Variants in AREL1 observed in about 807,000 individuals in gnomAD.
The protein encoded by AREL1 is apoptosis resistant E3 ubiquitin protein ligase 1.
A neutral mutation model predicts 99.0 loss-of-function variants in AREL1; 62 were observed. That is an observed-to-expected ratio of 0.63 (90% CI 0.51 to 0.77). The LOEUF (loss-of-function observed/expected upper bound fraction) is 0.77. AREL1 is among the 30% of genes least tolerant of loss of function. The pLI, the probability that AREL1 is intolerant of heterozygous loss-of-function variation, is 0.00. For missense variants in AREL1, 879 were observed against 1,027.6 expected, an observed-to-expected ratio of 0.86 and a Z score of 1.98; for synonymous variants, 380 against 376.5, an observed-to-expected ratio of 1.01 and a Z score of -0.11.
chr14:74,680,134 A>G (rs1452176211), intron 5 of AREL1, among the ~76,000 whole-genome samples: 1 of 151,700 alleles, frequency 6.6e-6, no homozygotes, highest in African/African-American at 2.4e-5. Context: ...GAGTCAAGGT[A>G]GCACCACTGT....
At chr14:74,707,560 C>T (rs536090548) in intron 1 of AREL1, among the ~76,000 whole-genome samples, 1 of 152,188 alleles carries the variant, frequency 6.6e-6, no homozygotes, top group Admixed American at 6.5e-5. Flanking sequence ...CTTTGGGAGG[C>T]CCAGGCAGGT....
intron 1 of AREL1, among the ~76,000 whole-genome samples, chr14:74,702,565 G>A (rs898335246): frequency 7.2e-5 from 11 of 152,162 alleles, no homozygotes; most frequent in Non-Finnish European, 1.5e-4. Flanking sequence ...CCAGGTCTGT[G>A]ATGGGAGTGG....
chr14:74,682,529 T>G (rs1435340984), intron 5 of AREL1, among the ~76,000 whole-genome samples: 4 of 152,216 alleles, frequency 2.6e-5, no homozygotes, highest in Non-Finnish European at 5.9e-5. Flanking sequence ...AAATAGAATA[T>G]TATTTGTCAA....
intron 5 of AREL1, among the ~76,000 whole-genome samples, chr14:74,680,463 T>C (rs529044340): frequency 6.6e-6 from 1 of 152,304 alleles, no homozygotes. Context: ...GGTGGGAATG[T>C]AAAATGCTAC....
intron 17 of AREL1, among the ~76,000 whole-genome samples, chr14:74,665,770 G>T (rs186655772): frequency 2.2e-4 from 33 of 152,262 alleles, no homozygotes; most frequent in Middle Eastern, 3.4e-3. Flanking sequence ...TTAGCAGACT[G>T]CAAGTACTCA....
At chr14:74,689,300 C>CAGTTG (rs952817672) in intron 2 of AREL1, among the ~76,000 whole-genome samples, 1 of 152,160 alleles carries the variant, frequency 6.6e-6, no homozygotes, top group Admixed American at 6.5e-5. Flanking sequence ...TCCTTGGCCC[C>CAGTTG]AGTTGCTATA....
intron 1 of AREL1, among the ~76,000 whole-genome samples, chr14:74,701,017 A>G (rs2090076505): frequency 6.6e-6 from 1 of 152,152 alleles, no homozygotes; most frequent in Non-Finnish European, 1.5e-5. Context: ...GCCACAATAT[A>G]GACAGGGTCC....
At chr14:74,696,636 G>C (rs2089984111) in intron 1 of AREL1, among the ~76,000 whole-genome samples, 1 of 152,038 alleles carries the variant, frequency 6.6e-6, no homozygotes, top group Non-Finnish European at 1.5e-5. Flanking sequence ...CTTGAGCCTA[G>C]GAGTTGAAAC....
intron 1 of AREL1, among the ~76,000 whole-genome samples, chr14:74,697,765 CA>C (rs2090004285): frequency 1.3e-5 from 2 of 152,192 alleles, no homozygotes; most frequent in Admixed American, 6.5e-5. Context: ...GGGACAGCCT[CA>C]TTAGTCAGCA....
At chr14:74,702,708 C>T (rs1219355490) in intron 1 of AREL1, among the ~76,000 whole-genome samples, 1 of 152,128 alleles carries the variant, frequency 6.6e-6, no homozygotes, top group African/African-American at 2.4e-5. Flanking sequence ...TCTTTTCTAT[C>T]GCCACTGTCA....
chr14:74,679,727 C>T (rs1276978003), intron 5 of AREL1, among the ~76,000 whole-genome samples: 1 of 152,038 alleles, frequency 6.6e-6, no homozygotes, highest in Non-Finnish European at 1.5e-5. Flanking sequence ...ACTTGGGAGG[C>T]TGAGGCAGGA....
chr14:74,692,025 C>A lies in AREL1; in HGVS notation c.-46+16G>T. 2 of 356,036 alleles carry A rather than the reference C, an allele frequency of 5.6e-6. No homozygotes were observed. Among genetic ancestry groups the A allele is most frequent in the Non-Finnish European group, 5.3e-6 (1 of 187,032 alleles). The allele number at this position is 356,036 out of a possible 1,614,324, so 22.1% of individuals were successfully genotyped here. The stretch of plus-strand genomic sequence containing the variant: ...ACATCCCAATAACTAAAGCTTAACT[C>A]AGTCTGTTACCTTACCTTTAAACGA... On this transcript the variant is annotated intron_variant, in intron 2 of 19. Coordinates refer to ENST00000356357, the MANE Select transcript of AREL1 (RefSeq NM_001039479.2).
intron 2 of AREL1, among the ~76,000 whole-genome samples, chr14:74,687,284 T>C (rs1594769905): frequency 6.6e-6 from 1 of 152,232 alleles, no homozygotes; most frequent in Non-Finnish European, 1.5e-5. Flanking sequence ...GCTAGAAAAA[T>C]TCCCACCTAC....
chr14:74,670,907 C>T, intron 12 of AREL1, 36 bp from the exon 13 acceptor site: 1 of 1,554,756 alleles, frequency 6.4e-7, no homozygotes, highest in South Asian at 1.1e-5. Context: ...ATGACTCTGC[C>T]CTCCCTCCTC....
intron 2 of AREL1, among the ~76,000 whole-genome samples, chr14:74,686,847 A>G (rs1262872346): frequency 2.0e-5 from 3 of 152,206 alleles, no homozygotes; most frequent in African/African-American, 7.2e-5. Context: ...GAACATTAGA[A>G]TTGTCACGTG....
At position 74,684,586 on chromosome 14, in the gene AREL1, G is replaced by C; in HGVS notation, c.111C>G (p.Asp37Glu). Reference sequence around the variant, plus strand: ...TAGTCCGGTCCCCTCGGCGCTCGCGGTCCTCATTCTGGAGGAAGCTGACTA... The same window carrying C: ...TAGTCCGGTCCCCTCGGCGCTCGCGCTCCTCATTCTGGAGGAAGCTGACTA... ...ARVVSFLQNE[D>E]RERRGDRTIY... The change falls in exon 4 of 20, where the codon GAC becomes GAG. Residue 37 changes from aspartate (D) to glutamate (E), a missense_variant. Coordinates refer to ENST00000356357, the MANE Select transcript of AREL1 (RefSeq NM_001039479.2). 3 of 1,614,156 alleles carry C rather than the reference G, an allele frequency of 1.9e-6. No individual in the cohort carries two copies. The highest frequency in any genetic ancestry group is 2.5e-6 in the Non-Finnish European group (3 of 1,180,030).
chr14:74,684,426 G>A (rs1385856553), intron 4 of AREL1, 28 bp downstream of exon 4: 34 of 1,603,186 alleles, frequency 2.1e-5, no homozygotes, highest in Non-Finnish European at 2.9e-5. Context: ...AAACCCCAAT[G>A]GGTATGGAGA....
chr14:74,688,617 A>C (rs1197357798), intron 2 of AREL1, among the ~76,000 whole-genome samples: 1 of 152,096 alleles, frequency 6.6e-6, no homozygotes, highest in Non-Finnish European at 1.5e-5. Context: ...CCTCCTCATG[A>C]CCAGAGAGTT....
intron 11 of AREL1, among the ~76,000 whole-genome samples, chr14:74,672,239 G>A (rs2089365398): frequency 6.6e-6 from 1 of 152,148 alleles, no homozygotes; most frequent in Non-Finnish European, 1.5e-5. Flanking sequence ...AGATTTGAAG[G>A]CCAGTAAGTA....
Sources: gnomAD v4.1 joint callset for allele counts (sites outside exome capture counted in the v4.1 genomes callset) on GRCh38, gnomAD v4.1.1 for gene constraint, MANE v1.5 for transcripts, NCBI Gene and HGNC (gene_info 2026-07-23, HGNC 2026-07-21) for gene names.